RHOT1: variants seen among roughly 807,000 people sequenced by gnomAD.
The protein encoded by RHOT1 is mitochondrial Rho GTPase 1.
RHOT1 carries 27 observed loss-of-function variants against 95.3 expected under a neutral mutation model. That is an observed-to-expected ratio of 0.28 (90% CI 0.21 to 0.39). The LOEUF (loss-of-function observed/expected upper bound fraction) is 0.39, where lower values mean the gene tolerates loss of function less well. Ranked by LOEUF, RHOT1 falls within the 10% of genes least tolerant of loss-of-function variation. The pLI, the probability that RHOT1 is intolerant of heterozygous loss-of-function variation, is 1.00. For missense variants in RHOT1, 578 were observed against 786.7 expected, an observed-to-expected ratio of 0.73 and a Z score of 3.17; for synonymous variants, 227 against 263.5, an observed-to-expected ratio of 0.86 and a Z score of 1.34.
At chr17:32,148,972 A>G (rs997963731) in intron 1 of RHOT1, among the ~76,000 whole-genome samples, 8 of 152,222 alleles carry the variant, frequency 5.3e-5, no homozygotes, top group Non-Finnish European at 1.0e-4. Context: ...TCCATGGATG[A>G]CCTGCTTAGA....
rs542073170 is a variant in RHOT1, at chr17:32,151,252, GA to G, written c.37+8525del. The G allele has an allele frequency of 4.5e-5, 32 of 709,876 alleles. No individual in the cohort carries two copies. The East Asian group carries it at 9.1e-4, about 20-fold the overall frequency. 44.0% of individuals were successfully genotyped at this position (709,876 alleles called of 1,614,324 possible). A position where few individuals can be genotyped will look rare whatever the true frequency, so the allele number is the denominator to read the frequency against. The stretch of plus-strand genomic sequence containing the variant: ...CTAGTTCTTTATACTGTTGGCGGGT[GA>G]ATGAAGTACATTCTTGATGCCTTCT... On this transcript the variant is annotated intron_variant, in intron 1 of 19. Transcript: ENST00000545287.
At chr17:32,215,262 G>A (rs1341794383) in intron 19 of RHOT1, among the ~76,000 whole-genome samples, 1 of 152,048 alleles carries the variant, frequency 6.6e-6, no homozygotes, top group Non-Finnish European at 1.5e-5. Context: ...ACAAGTATTG[G>A]TCTCAAATCA....
intron 6 of RHOT1, among the ~76,000 whole-genome samples, chr17:32,178,603 G>C (rs538591866): frequency 1.3e-5 from 2 of 152,226 alleles, no homozygotes; most frequent in South Asian, 2.1e-4. Context: ...GCCTCTGCCC[G>C]CCCGCCACCC....
chr17:32,155,708 A>G (rs1355047640), intron 1 of RHOT1, among the ~76,000 whole-genome samples: 1 of 151,426 alleles, frequency 6.6e-6, no homozygotes, highest in Non-Finnish European at 1.5e-5. Flanking sequence ...ATGCCTGGCT[A>G]ATTTTTTATT....
rs933789422 is a variant in RHOT1 at position 32,187,097 on chromosome 17, G to T, written c.540+3825G>T. 3.3e-5 allele frequency among the ~76,000 whole-genome samples: 5 copies of T among 151,990 alleles called. No homozygotes were observed. The East Asian group carries it at 9.9e-4, about 30-fold the overall frequency. On this transcript the variant is annotated intron_variant, in intron 8 of 19. Coordinates refer to ENST00000545287, the MANE Select transcript of RHOT1 (RefSeq NM_001033566.3). Reference sequence around the variant, plus strand: ...AAGCCAGGAGTTCGAGACCAGCGTGGCCAACGTGGCAAAACCCTGTCTCTA... The same window carrying T: ...AAGCCAGGAGTTCGAGACCAGCGTGTCCAACGTGGCAAAACCCTGTCTCTA...
chr17:32,169,810 A>T (rs1170302407), intron 1 of RHOT1, among the ~76,000 whole-genome samples: 1 of 152,058 alleles, frequency 6.6e-6, no homozygotes, highest in South Asian at 2.1e-4. Flanking sequence ...GTTTGAGACC[A>T]TCCTGGGCGA....
intron 12 of RHOT1, 41 bp from the exon 13 acceptor site, chr17:32,199,364 T>C (rs745891103): frequency 6.4e-7 from 1 of 1,571,632 alleles, no homozygotes; most frequent in Non-Finnish European, 8.6e-7. Flanking sequence ...GGAATTATTA[T>C]CTTAGATATC....
At chr17:32,173,718 A>AG (rs966355815) in intron 2 of RHOT1, 113 bp from the exon 3 acceptor site, 1 of 769,438 alleles carries the variant, frequency 1.3e-6, no homozygotes, top group African/African-American at 1.8e-5. Flanking sequence ...ATTAAAAAAA[A>AG]AAAAAGAAAA....
rs564425799 is a variant in RHOT1, at chr17:32,206,959, G to A, written c.1466G>A (p.Cys489Tyr). 1 of 1,609,210 alleles carries A rather than the reference G, an allele frequency of 6.2e-7. No homozygotes were observed. Among genetic ancestry groups the A allele is most frequent in the South Asian group, 1.1e-5 (1 of 90,694 alleles). ...SEFLTEAEIICDVVCLVYDVS... is the reference protein window; with the variant it reads ...SEFLTEAEIIYDVVCLVYDVS... ...TTTCTAACTGAAGCTGAAATCATTT[G>A]TGATGTTGTATGCCTGGTATATGAT... Residue 489 changes from cysteine (C) to tyrosine (Y), a missense_variant, in exon 17 of 20, where the codon TGT becomes TAT. By Grantham distance (194) the Cys-to-Tyr change is radical. Coordinates refer to ENST00000545287, the MANE Select transcript of RHOT1 (RefSeq NM_001033566.3).
rs8080402 is a variant in RHOT1, at chr17:32,158,747, C to T, written c.38-12296C>T. 6.6e-3 allele frequency among the ~76,000 whole-genome samples: 1,011 copies of T among 152,294 alleles called. 13 individuals carry two copies. Among genetic ancestry groups the T allele is most frequent in the African/African-American group, 0.022 (920 of 41,554 alleles). ...TGCTGGGATTGCAGGCATGAGCCAG[C>T]GTGTCCGGCCGTTTCTTGGTATTTT... is the stretch of plus-strand genomic sequence containing the variant. On this transcript the variant is annotated intron_variant, in intron 1 of 19. Coordinates refer to ENST00000545287, the MANE Select transcript of RHOT1 (RefSeq NM_001033566.3).
intron 8 of RHOT1, among the ~76,000 whole-genome samples, chr17:32,186,103 A>G (rs1414062212): frequency 6.6e-6 from 1 of 152,194 alleles, no homozygotes; most frequent in Non-Finnish European, 1.5e-5. Flanking sequence ...CGGAGGAACC[A>G]GCAGCTATTT....
intron 1 of RHOT1, among the ~76,000 whole-genome samples, chr17:32,147,376 C>A (rs1039688644): frequency 6.6e-6 from 1 of 151,964 alleles, no homozygotes; most frequent in Non-Finnish European, 1.5e-5. Context: ...TTGCTAATCC[C>A]AGCACTTGAG....
At chr17:32,171,205 T>C (rs1396702978) in intron 2 of RHOT1, 104 bp downstream of exon 2, 5 of 766,000 alleles carry the variant, frequency 6.5e-6, no homozygotes, top group Non-Finnish European at 1.0e-5. Context: ...TGCTTCCTTT[T>C]GGACAGTTGA....
chr17:32,151,068 A>G (rs2032223700), intron 1 of RHOT1: 1 of 1,241,584 alleles, frequency 8.1e-7, no homozygotes, highest in Non-Finnish European at 1.2e-6. Context: ...AAGGCATTCC[A>G]GGCTTCTCCT....
chr17:32,190,199 TA>T (rs2036383177), intron 8 of RHOT1, among the ~76,000 whole-genome samples: 1 of 152,156 alleles, frequency 6.6e-6, no homozygotes, highest in South Asian at 2.1e-4. Flanking sequence ...ATCATGCCTG[TA>T]ATCCCAGCAC....
chr17:32,192,079 C>T (rs746575443), intron 8 of RHOT1, 122 bp from the exon 9 acceptor site: 3 of 601,248 alleles, frequency 5.0e-6, no homozygotes, highest in Non-Finnish European at 8.7e-6. Flanking sequence ...AATGGCTTTG[C>T]TTTAGTTCAT....
At chr17:32,181,698 A>C (rs1249557859) in intron 6 of RHOT1, among the ~76,000 whole-genome samples, 1 of 152,196 alleles carries the variant, frequency 6.6e-6, no homozygotes, top group African/African-American at 2.4e-5. Flanking sequence ...CATTATTTTC[A>C]TGCTGTATTT....
chr17:32,194,921 G>A (rs996231363), intron 11 of RHOT1, among the ~76,000 whole-genome samples: 20 of 149,478 alleles, frequency 1.3e-4, no homozygotes, highest in South Asian at 6.4e-4. Context: ...CTCCCACCGC[G>A]TTTAAGCGAT....
chr17:32,176,321 T>A (rs2034995524), intron 6 of RHOT1, 108 bp downstream of exon 6: 2 of 862,464 alleles, frequency 2.3e-6, no homozygotes, highest in Non-Finnish European at 3.6e-6. Flanking sequence ...TTAAATTTAC[T>A]AGGTAACGTT....
Sources: allele counts gnomAD v4.1 joint callset (sites outside exome capture counted in the v4.1 genomes callset), GRCh38; gene constraint gnomAD v4.1.1; transcripts MANE v1.5; gene names NCBI Gene and HGNC (gene_info 2026-07-23, HGNC 2026-07-21).